Variants in VTA1 observed in about 807,000 individuals in gnomAD.
The protein encoded by VTA1 is vesicle trafficking 1, also known as vacuolar protein sorting-associated protein VTA1 homolog.
Under a neutral mutation model 36.9 loss-of-function variants are expected in VTA1, and 24 were observed. The ratio of observed to expected loss-of-function variants is 0.65; its 90% CI spans 0.47 to 0.91. The LOEUF (loss-of-function observed/expected upper bound fraction) is 0.91, where lower values mean the gene tolerates loss of function less well. Ranked by LOEUF, VTA1 falls within the 40% of genes least tolerant of loss-of-function variation. The pLI is 0.00. For missense variants in VTA1, 393 were observed against 377.2 expected, an observed-to-expected ratio of 1.04 and a Z score of -0.35; for synonymous variants, 142 against 130.2, an observed-to-expected ratio of 1.09 and a Z score of -0.62.
chr6:142,203,893 A>G (rs1775736293), intron 6 of VTA1, 92 bp from the exon 7 acceptor site: 1 of 991,930 alleles, frequency 1.0e-6, no homozygotes. Flanking sequence ...AAGCAAAGTA[A>G]TGAAATTGCC....
chr6:142,159,503 T>C (rs1470464508), intron 1 of VTA1, among the ~76,000 whole-genome samples: 1 of 139,372 alleles, frequency 7.2e-6, no homozygotes, highest in East Asian at 2.0e-4. Context: ...TTATTATTAT[T>C]ATTATTATTA....
At chr6:142,208,616 C>T (rs1775842215) in intron 7 of VTA1, among the ~76,000 whole-genome samples, 1 of 152,146 alleles carries the variant, frequency 6.6e-6, no homozygotes, top group South Asian at 2.1e-4. Context: ...CCAAATAAGA[C>T]TACCTGAAGG....
intron 4 of VTA1, among the ~76,000 whole-genome samples, chr6:142,183,858 C>T (rs182397466): frequency 2.6e-5 from 4 of 152,230 alleles, no homozygotes; most frequent in African/African-American, 4.8e-5. Context: ...AAATTAAATA[C>T]GTTGCTTTAC....
chr6:142,198,703 G>A, intron 6 of VTA1, 88 bp downstream of exon 6: 6 of 1,253,386 alleles, frequency 4.8e-6, no homozygotes, highest in Admixed American at 3.0e-5. Flanking sequence ...TCATAATGAT[G>A]GTCATGAAAA....
At chr6:142,153,208 A>G (rs1028442839) in intron 1 of VTA1, among the ~76,000 whole-genome samples, 1 of 152,104 alleles carries the variant, frequency 6.6e-6, no homozygotes, top group Non-Finnish European at 1.5e-5. Flanking sequence ...CTAAAATGTA[A>G]ACTCTATGAG....
intron 6 of VTA1, among the ~76,000 whole-genome samples, chr6:142,200,697 T>C (rs190045957): frequency 6.6e-6 from 1 of 152,102 alleles, no homozygotes; most frequent in Admixed American, 6.5e-5. Flanking sequence ...AAATATTAGG[T>C]GGTTTTCCAT....
At chr6:142,185,251 A>G (rs1775318851) in intron 4 of VTA1, among the ~76,000 whole-genome samples, 1 of 152,122 alleles carries the variant, frequency 6.6e-6, no homozygotes, top group Non-Finnish European at 1.5e-5. Flanking sequence ...TTAATTTCAT[A>G]TCGATAGCCA....
chr6:142,154,346 A>G (rs796787069), intron 1 of VTA1, among the ~76,000 whole-genome samples: 16 of 152,196 alleles, frequency 1.1e-4, no homozygotes, highest in East Asian at 5.8e-4. Context: ...ATTTCACCCT[A>G]TGTGTATACT....
chr6:142,157,313 A>G (rs1325892698), intron 1 of VTA1, among the ~76,000 whole-genome samples: 5 of 152,186 alleles, frequency 3.3e-5, no homozygotes, highest in South Asian at 2.1e-4. Flanking sequence ...TGAATGATAG[A>G]CTAGAGTCTA....
Position 142,222,963 on chromosome 6 carries a change from G to A in VTA1, c.*4320G>A, listed in dbSNP as rs549330527. ...TAACAAATTTGCCTAAGGTAACACA[G>A]CTAATATTTATTTCTAAGCTCAGAC... On this transcript the variant is annotated 3_prime_UTR_variant, in exon 8 of 8. Transcript: ENST00000367630. 3 of 152,272 alleles carry A rather than the reference G, an allele frequency of 2.0e-5. No homozygotes were observed. In the East Asian group the frequency reaches 5.8e-4, roughly 29 times the overall value. The allele number at this position is 152,272 out of a possible 1,614,324, so 9.4% of individuals were successfully genotyped here. A position where few individuals can be genotyped will look rare whatever the true frequency, so the allele number is the denominator to read the frequency against.
intron 4 of VTA1, among the ~76,000 whole-genome samples, chr6:142,172,734 C>G (rs1052001836): frequency 3.9e-5 from 6 of 152,116 alleles, no homozygotes; most frequent in African/African-American, 1.4e-4. Flanking sequence ...ATAAACATGA[C>G]ATGATGGAAA....
At chr6:142,205,506 AC>A (rs1033385965) in intron 7 of VTA1, among the ~76,000 whole-genome samples, 1 of 152,180 alleles carries the variant, frequency 6.6e-6, no homozygotes, top group Admixed American at 6.5e-5. Context: ...CCTAGCACAT[AC>A]CTTTTTTAAG....
At chr6:142,187,912 CTTTTTTTTT>C (rs58131768) in intron 4 of VTA1, among the ~76,000 whole-genome samples, 4 of 120,696 alleles carry the variant, frequency 3.3e-5, no homozygotes, top group South Asian at 2.7e-4. Flanking sequence ...TACTTTCTTT[CTTTTTTTTT>C]TTTTTTTTTG....
intron 7 of VTA1, among the ~76,000 whole-genome samples, chr6:142,211,950 A>G (rs1775913621): frequency 6.6e-6 from 1 of 152,218 alleles, no homozygotes; most frequent in Non-Finnish European, 1.5e-5. Flanking sequence ...AGGAAAATGC[A>G]AATTAGAACA....
At chr6:142,159,853 T>G (rs914836397) in intron 1 of VTA1, among the ~76,000 whole-genome samples, 5 of 152,154 alleles carry the variant, frequency 3.3e-5, no homozygotes, top group Non-Finnish European at 5.9e-5. Flanking sequence ...TGGATTCGTT[T>G]GTGTATATTC....
At chr6:142,183,290 A>C (rs1277855046) in intron 4 of VTA1, among the ~76,000 whole-genome samples, 2 of 152,216 alleles carry the variant, frequency 1.3e-5, no homozygotes, top group Non-Finnish European at 2.9e-5. Context: ...CAGCTGGTGT[A>C]AAACTTTGTC....
At chr6:142,187,633 A>G (rs1434656052) in intron 4 of VTA1, among the ~76,000 whole-genome samples, 2 of 152,228 alleles carry the variant, frequency 1.3e-5, no homozygotes, top group African/African-American at 2.4e-5. Context: ...TCTGTTGGAA[A>G]GCTCATTTGT....
intron 2 of VTA1, 38 bp from the exon 3 acceptor site, chr6:142,169,512 G>C (rs370851745): frequency 1.9e-6 from 3 of 1,590,258 alleles, no homozygotes; most frequent in Non-Finnish European, 2.6e-6. Context: ...ACTTCTGAGA[G>C]TCCAAAATCA....
chr6:142,157,755 A>G (rs1474415858), intron 1 of VTA1, among the ~76,000 whole-genome samples: 1 of 152,078 alleles, frequency 6.6e-6, no homozygotes, highest in African/African-American at 2.4e-5. Context: ...TATGCTTGAT[A>G]TAAGTTCCTA....
Sources: allele counts gnomAD v4.1 joint callset (sites outside exome capture counted in the v4.1 genomes callset), GRCh38; gene constraint gnomAD v4.1.1; transcripts MANE v1.5; gene names NCBI Gene and HGNC (gene_info 2026-07-23, HGNC 2026-07-21).